Variants in ADAMTSL1 observed in about 807,000 individuals in gnomAD.
ADAMTSL1 encodes ADAMTS like 1, also known as ADAMTS-like protein 1.
Under a neutral mutation model 201.8 loss-of-function variants are expected in ADAMTSL1, and 126 were observed. The observed-to-expected ratio is 0.62, with a 90% CI of 0.54 to 0.72. The LOEUF is 0.72. ADAMTSL1 is among the 30% of genes least tolerant of loss of function. The pLI is 0.00. For missense variants in ADAMTSL1, 2,679 were observed against 2,277.8 expected, an observed-to-expected ratio of 1.18 and a Z score of -3.59; for synonymous variants, 1,121 against 903.4, an observed-to-expected ratio of 1.24 and a Z score of -4.32.
At chr9:18,754,461 A>C (rs1588048276) in intron 16 of ADAMTSL1, among the ~76,000 whole-genome samples, 1 of 152,344 alleles carries the variant, frequency 6.6e-6, no homozygotes, top group East Asian at 1.9e-4. Context: ...TAAGCATGAA[A>C]GGTGGAGGAG....
chr9:18,049,781 G>A (rs1301054206), intron 1 of ADAMTSL1, among the ~76,000 whole-genome samples: 2 of 151,970 alleles, frequency 1.3e-5, no homozygotes, highest in Non-Finnish European at 2.9e-5. Flanking sequence ...CCACCACTGC[G>A]CCCAGCTAAT....
At chr9:18,399,598 G>A (rs532624567) in intron 2 of ADAMTSL1, among the ~76,000 whole-genome samples, 6 of 151,554 alleles carry the variant, frequency 4.0e-5, no homozygotes, top group East Asian at 2.0e-4. Context: ...TGATCTACCC[G>A]CCTCGGCCTC....
intron 7 of ADAMTSL1, among the ~76,000 whole-genome samples, chr9:18,644,347 T>A (rs552249015): frequency 2.0e-5 from 3 of 151,938 alleles, no homozygotes; most frequent in African/African-American, 7.2e-5. Context: ...AATGGCCACT[T>A]GTCAGTATCT....
intron 1 of ADAMTSL1, among the ~76,000 whole-genome samples, chr9:18,497,144 T>C (rs1214618437): frequency 6.6e-6 from 1 of 152,204 alleles, no homozygotes; most frequent in Non-Finnish European, 1.5e-5. Flanking sequence ...CCAGGAACAA[T>C]TGTTTCATTT....
At chr9:18,631,292 T>G (rs1826754201) in intron 5 of ADAMTSL1, among the ~76,000 whole-genome samples, 1 of 152,202 alleles carries the variant, frequency 6.6e-6, no homozygotes, top group Non-Finnish European at 1.5e-5. Flanking sequence ...GCCTGTCCAG[T>G]ATATATCTTC....
At chr9:18,156,937 T>C (rs895377477) in intron 1 of ADAMTSL1, among the ~76,000 whole-genome samples, 1 of 152,056 alleles carries the variant, frequency 6.6e-6, no homozygotes, top group Non-Finnish European at 1.5e-5. Flanking sequence ...AAGAAGATAA[T>C]TGGCTTTATG....
intron 1 of ADAMTSL1, among the ~76,000 whole-genome samples, chr9:17,930,837 C>T (rs1203079858): frequency 2.0e-5 from 3 of 152,140 alleles, no homozygotes; most frequent in African/African-American, 4.8e-5. Context: ...TGTTGCCCTA[C>T]AGTAGTGAAT....
chr9:17,920,113 G>T (rs1330849642), intron 1 of ADAMTSL1, among the ~76,000 whole-genome samples: 1 of 152,064 alleles, frequency 6.6e-6, no homozygotes, highest in Non-Finnish European at 1.5e-5. Flanking sequence ...TGTTTTATTA[G>T]AGTTAACAAC....
intron 23 of ADAMTSL1, among the ~76,000 whole-genome samples, chr9:18,856,587 C>T (rs186406399): frequency 4.8e-4 from 72 of 151,510 alleles, no homozygotes; most frequent in African/African-American, 1.7e-3. Flanking sequence ...CCTCAGCCTC[C>T]TGAGTAGCTG....
At chr9:18,324,405 G>A (rs1318122567) in intron 2 of ADAMTSL1, among the ~76,000 whole-genome samples, 2 of 131,882 alleles carry the variant, frequency 1.5e-5, no homozygotes, top group Admixed American at 7.3e-5. Context: ...AACAGAATAC[G>A]CAAAGATTTT....
chr9:18,535,091 C>T (rs1247966928), intron 3 of ADAMTSL1, among the ~76,000 whole-genome samples: 1 of 152,046 alleles, frequency 6.6e-6, no homozygotes, highest in Admixed American at 6.5e-5. Flanking sequence ...AAAATTTTTT[C>T]TATTTCATCA....
At chr9:18,613,378 A>C (rs1054144133) in intron 4 of ADAMTSL1, among the ~76,000 whole-genome samples, 4 of 152,220 alleles carry the variant, frequency 2.6e-5, no homozygotes, top group African/African-American at 9.6e-5. Context: ...ACCCAAAGGA[A>C]TAGAAATTGT....
At chr9:18,856,691 C>G (rs1826874310) in intron 23 of ADAMTSL1, among the ~76,000 whole-genome samples, 1 of 152,046 alleles carries the variant, frequency 6.6e-6, no homozygotes, top group African/African-American at 2.4e-5. Flanking sequence ...CTACTGGCCT[C>G]AAGCAATCCT....
At position 18,213,315 on chromosome 9, in the gene ADAMTSL1, G is replaced by A. The variant is rs75915897; in HGVS notation, c.207+49334G>A. Among the ~76,000 whole-genome samples, 7 of 152,242 alleles carry A rather than the reference G, an allele frequency of 4.6e-5. No homozygotes were observed. The East Asian group carries it at 1.4e-3, about 29-fold the overall frequency. ...GTAGGATCACGCTCTTGATTCATTG[G>A]AACTGTGATGATAACGGACATTTTC... On this transcript the variant is annotated intron_variant, in intron 2 of 29. Coordinates refer to the ADAMTSL1 transcript ENST00000680146.
intron 1 of ADAMTSL1, among the ~76,000 whole-genome samples, chr9:18,026,808 G>C (rs969513187): frequency 6.6e-6 from 1 of 152,068 alleles, no homozygotes; most frequent in African/African-American, 2.4e-5. Flanking sequence ...ACATCTGGTA[G>C]AATTCGGCTG....
chr9:17,947,803 G>C (rs77463969), intron 1 of ADAMTSL1, among the ~76,000 whole-genome samples: 1,856 of 152,204 alleles, frequency 0.012, 33 homozygotes, highest in African/African-American at 0.043. Flanking sequence ...AGAAATCTTG[G>C]AATTGAAATA....
chr9:18,499,178 C>T (rs1199446829), intron 1 of ADAMTSL1, among the ~76,000 whole-genome samples: 1 of 152,222 alleles, frequency 6.6e-6, no homozygotes, highest in East Asian at 1.9e-4. Context: ...CCCAACAGTG[C>T]AGCTGTGATA....
intron 4 of ADAMTSL1, among the ~76,000 whole-genome samples, chr9:18,621,405 G>A (rs984394209): frequency 6.6e-6 from 1 of 152,110 alleles, no homozygotes; most frequent in East Asian, 1.9e-4. Flanking sequence ...AAGACTCATG[G>A]CCTCAACTAT....
At chr9:18,875,394 G>A (rs1392470069) in intron 23 of ADAMTSL1, among the ~76,000 whole-genome samples, 1 of 151,998 alleles carries the variant, frequency 6.6e-6, no homozygotes, top group African/African-American at 2.4e-5. Flanking sequence ...ATTCAATGCT[G>A]TGAACTTTCC....
Sources: allele counts gnomAD v4.1 joint callset (sites outside exome capture counted in the v4.1 genomes callset), GRCh38; gene constraint gnomAD v4.1.1; transcripts MANE v1.5; gene names NCBI Gene and HGNC (gene_info 2026-07-23, HGNC 2026-07-21).